The following TUBGCP4 variants were observed in gnomAD, a reference collection of about 807,000 sequenced individuals.
The protein encoded by TUBGCP4 is gamma-tubulin complex component 4.
In TUBGCP4, 54 loss-of-function variants were observed where a neutral mutation model predicts 91.6. The ratio of observed to expected loss-of-function variants is 0.59; its 90% CI spans 0.47 to 0.74. The LOEUF (loss-of-function observed/expected upper bound fraction) is 0.74. TUBGCP4 is among the 30% of genes least tolerant of loss of function. TUBGCP4 has a pLI of 0.00. For missense variants in TUBGCP4, 593 were observed against 800.9 expected (o/e 0.74, Z 3.13); for synonymous variants, 297 against 302.8 (o/e 0.98, Z 0.20).
intron 9 of TUBGCP4, among the ~76,000 whole-genome samples, chr15:43,389,830 T>G (rs953325068): frequency 2.0e-5 from 3 of 152,114 alleles, no homozygotes; most frequent in Non-Finnish European, 4.4e-5. Context: ...AGGAGCATAG[T>G]CAGGTTTTAC....
rs1489703417 is a variant in TUBGCP4, at chr15:43,404,464, A to T, written c.1900A>T (p.Asn634Tyr). The T allele has an allele frequency of 1.9e-6, 3 of 1,614,048 alleles. No homozygotes were observed. Among genetic ancestry groups the T allele is most frequent in the Non-Finnish European group, 2.5e-6 (3 of 1,180,042 alleles). ...LLFKILSSVR[N>Y]HQINSDLAQL... is the part of the protein sequence containing the mutation. ...GTTCAAGATTCTCTCCAGTGTTCGGAATCATCAGATCAACTCAGATTTGGC... is the reference window on the plus strand; with the variant it reads ...GTTCAAGATTCTCTCCAGTGTTCGGTATCATCAGATCAACTCAGATTTGGC... The change falls in exon 17 of 18, where the codon AAT becomes TAT. Residue 634 changes from asparagine to tyrosine, a missense_variant. Coordinates refer to ENST00000564079, the MANE Select transcript of TUBGCP4 (RefSeq NM_014444.5).
intron 16 of TUBGCP4, 39 bp downstream of exon 16, chr15:43,403,838 C>T: frequency 6.6e-7 from 1 of 1,508,606 alleles, no homozygotes; most frequent in South Asian, 1.1e-5. Flanking sequence ...GCCGAAAGGA[C>T]AGAGGTGGTT....
intron 8 of TUBGCP4, 64 bp from the exon 9 acceptor site, chr15:43,386,142 C>T: frequency 1.3e-6 from 2 of 1,551,570 alleles, no homozygotes; most frequent in Non-Finnish European, 1.7e-6. Context: ...TAGCCCTCCC[C>T]AGAAAACCCT....
chr15:43,385,419 A>C, intron 7 of TUBGCP4: 1 of 461,466 alleles, frequency 2.2e-6, no homozygotes, highest in Non-Finnish European at 4.3e-6. Context: ...AGGAAAAGAC[A>C]GTCTGGGACA....
intron 9 of TUBGCP4, among the ~76,000 whole-genome samples, chr15:43,386,954 G>T (rs147896661): frequency 6.6e-6 from 1 of 152,058 alleles, no homozygotes; most frequent in Admixed American, 6.5e-5. Flanking sequence ...GTTGAATAAA[G>T]GGGGGATCTT....
intron 6 of TUBGCP4, among the ~76,000 whole-genome samples, chr15:43,381,934 G>T (rs2044291147): frequency 6.6e-6 from 1 of 151,980 alleles, no homozygotes. Context: ...TAGAAAAAAG[G>T]CATTCTTGGC....
chr15:43,393,131 A>G (rs1214371313), intron 9 of TUBGCP4, among the ~76,000 whole-genome samples: 2 of 151,682 alleles, frequency 1.3e-5, no homozygotes, highest in Non-Finnish European at 2.9e-5. Context: ...ATTCCTTTAT[A>G]TTACTTACTA....
rs2044559691 is a variant in TUBGCP4 at position 43,395,136 on chromosome 15, C to T, written c.1044C>T (p.Ser348=). Residue 348 remains serine (S), a synonymous_variant, in exon 10 of 18, where the codon TCC becomes TCT. Coordinates refer to ENST00000564079, the MANE Select transcript of TUBGCP4 (RefSeq NM_014444.5). Reference sequence around the variant, plus strand: ...TCTGGAAGTTGATGGTAGAAGAATCCGATTTACTGGGTCAGCTGAAGGTAA... The same window carrying T: ...TCTGGAAGTTGATGGTAGAAGAATCTGATTTACTGGGTCAGCTGAAGGTAA... ...EHLWKLMVEE[S]DLLGQLKIIK... The T allele has an allele frequency of 2.5e-6, 4 of 1,614,026 alleles. No individual in the cohort carries two copies. The highest frequency in any genetic ancestry group is 1.3e-5 in the African/African-American group (1 of 74,974).
In TUBGCP4 at chr15:43,385,964, TCTC is replaced by T; in HGVS notation, c.889+11_889+13del. On this transcript the variant is annotated intron_variant, in intron 8 of 17. Coordinates refer to ENST00000564079, the MANE Select transcript of TUBGCP4 (RefSeq NM_014444.5). Reference sequence around the variant, plus strand: ...TGAACCTGACTAGAAAAGGTAGAAATCTCCTTGTCCAATGTACCACACCCTCAA... The same window carrying T: ...TGAACCTGACTAGAAAAGGTAGAAATCTTGTCCAATGTACCACACCCTCAA... 2 of 1,613,358 alleles carry T rather than the reference TCTC, an allele frequency of 1.2e-6. No homozygotes were observed. Among genetic ancestry groups the T allele is most frequent in the South Asian group, 1.1e-5 (1 of 90,960 alleles).
chr15:43,381,074 TG>T (rs2044278975), intron 6 of TUBGCP4, among the ~76,000 whole-genome samples: 1 of 152,104 alleles, frequency 6.6e-6, no homozygotes, highest in Non-Finnish European at 1.5e-5. Context: ...CCCAAAGTGT[TG>T]AGATTACAGG....
chr15:43,390,260 C>A (rs951733380), intron 9 of TUBGCP4, among the ~76,000 whole-genome samples: 1 of 151,920 alleles, frequency 6.6e-6, no homozygotes, highest in Non-Finnish European at 1.5e-5. Flanking sequence ...TTTGAATTTA[C>A]CTGAAAAATA....
At chr15:43,389,491 C>A (rs1375810988) in intron 9 of TUBGCP4, among the ~76,000 whole-genome samples, 1 of 152,082 alleles carries the variant, frequency 6.6e-6, no homozygotes, top group Admixed American at 6.6e-5. Flanking sequence ...CATACCCAGT[C>A]CAGAGCTTTT....
chr15:43,408,676 G>A lies in TUBGCP4; in HGVS notation c.*3462G>A. 3.7e-6 allele frequency: 2 copies of A among 538,620 alleles called. No individual in the cohort carries two copies. Among genetic ancestry groups the A allele is most frequent in the East Asian group, 3.1e-5 (1 of 32,494 alleles). 33.4% of individuals were successfully genotyped at this position (538,620 alleles called of 1,614,324 possible). A position where few individuals can be genotyped will look rare whatever the true frequency, so the allele number is the denominator to read the frequency against. ...TCTGACTTTACAGGTTGAGAATATT[G>A]AACCTATATACAAATCTTCACACAT... is the stretch of plus-strand genomic sequence containing the variant. On this transcript the variant is annotated 3_prime_UTR_variant, in exon 18 of 18. Coordinates refer to ENST00000564079, the MANE Select transcript of TUBGCP4 (RefSeq NM_014444.5).
intron 7 of TUBGCP4, 100 bp downstream of exon 7, chr15:43,383,604 C>T (rs2044316007): frequency 1.0e-6 from 1 of 952,524 alleles, no homozygotes; most frequent in Admixed American, 3.0e-5. Flanking sequence ...CATAGCTGAG[C>T]ACCTTCCATC....
At position 43,401,818 on chromosome 15, in the gene TUBGCP4, T is replaced by G. The variant is rs774674863; in HGVS notation, c.1699T>G (p.Leu567Val). The change falls in exon 15 of 18, where the codon TTG (leucine) becomes GTG (valine). Residue 567 changes from leucine (L) to valine (V), a missense_variant. Transcript: ENST00000564079. ...GGCTCATGACCACTTCCTGAGCAAT[T>G]TGCTGGCTCAATCCTTTATCCTATT... ...RLAHDHFLSNLLAQSFILLKP... is the reference protein window; with the variant it reads ...RLAHDHFLSNVLAQSFILLKP... The G allele has an allele frequency of 1.2e-6, 2 of 1,614,068 alleles. No individual in the cohort carries two copies.
chr15:43,405,279 C>T lies in TUBGCP4; in HGVS notation c.*65C>T, dbSNP rs994510026. On this transcript the variant is annotated 3_prime_UTR_variant, in exon 18 of 18. Transcript: ENST00000564079. Reference sequence around the variant, plus strand: ...CAAGGTTGTAACAGAAGATTCAAAACATCCCATTCTAGCCACACACAAATA... The same window carrying T: ...CAAGGTTGTAACAGAAGATTCAAAATATCCCATTCTAGCCACACACAAATA... The T allele has an allele frequency of 1.5e-5, 24 of 1,561,098 alleles. No homozygotes were observed. Among genetic ancestry groups the T allele is most frequent in the Non-Finnish European group, 2.1e-5 (24 of 1,132,290 alleles).
intron 6 of TUBGCP4, among the ~76,000 whole-genome samples, chr15:43,382,675 T>C (rs1396479650): frequency 6.6e-6 from 1 of 152,244 alleles, no homozygotes. Flanking sequence ...ACGGATGTTA[T>C]GAAGTTGGAT....
At chr15:43,375,147 C>T (rs1183246826) in intron 1 of TUBGCP4, among the ~76,000 whole-genome samples, 1 of 152,212 alleles carries the variant, frequency 6.6e-6, no homozygotes, top group African/African-American at 2.4e-5. Flanking sequence ...AGGTGATCCA[C>T]CTGCCTCGGC....
chr15:43,408,511 T>C lies in TUBGCP4; in HGVS notation c.*3297T>C, dbSNP rs2044998894. 3.7e-6 allele frequency: 1 copy of C among 268,426 alleles called. No individual in the cohort carries two copies. Among genetic ancestry groups the C allele is most frequent in the Non-Finnish European group, 7.2e-6 (1 of 139,010 alleles). 16.6% of individuals were successfully genotyped at this position (268,426 alleles called of 1,614,324 possible). A position where few individuals can be genotyped will look rare whatever the true frequency, so the allele number is the denominator to read the frequency against. ...ACTAAGCCCTATATTAGGGTCCCCC[T>C]TCTCTTCCTTCTTTCTATGAATGAT... On this transcript the variant is annotated 3_prime_UTR_variant, in exon 18 of 18. Coordinates refer to ENST00000564079, the MANE Select transcript of TUBGCP4 (RefSeq NM_014444.5).
Sources: allele counts gnomAD v4.1 joint callset (sites outside exome capture counted in the v4.1 genomes callset), GRCh38; gene constraint gnomAD v4.1.1; transcripts MANE v1.5; gene names NCBI Gene and HGNC (gene_info 2026-07-23, HGNC 2026-07-21).